The following GABRB3 variants were observed in gnomAD, a reference collection of about 807,000 sequenced individuals.
GABRB3 encodes the protein gamma-aminobutyric acid type A receptor subunit beta3, also known as gamma-aminobutyric acid receptor subunit beta-3.
A neutral mutation model predicts 52.1 loss-of-function variants in GABRB3; 14 were observed. That is an observed-to-expected ratio of 0.27 (90% CI 0.18 to 0.42). The LOEUF (loss-of-function observed/expected upper bound fraction) is 0.42, where lower values mean the gene tolerates loss of function less well. GABRB3 is among the 10% of genes least tolerant of loss of function. GABRB3 has a pLI of 1.00. For synonymous variants in GABRB3, 260 were observed against 232.3 expected, an observed-to-expected ratio of 1.12 and a Z score of -1.08; for missense variants, 307 against 609.1, an observed-to-expected ratio of 0.50 and a Z score of 5.22.
At position 26,638,189 on chromosome 15, in the gene GABRB3, G is replaced by T. The variant is rs528536178; in HGVS notation, c.241-16655C>A. 2.6e-3 allele frequency among the ~76,000 whole-genome samples: 400 copies of T among 152,234 alleles called. 2 individuals are homozygous for T. Among genetic ancestry groups the T allele is most frequent in the Non-Finnish European group, 3.2e-3 (215 of 68,024 alleles). On this transcript the variant is annotated intron_variant, in intron 3 of 8. Transcript: ENST00000311550. ...CACCAGGGTTCTGAACCTGGTCCAA[G>T]CCTGGTCAGAGCAAGGTCACACAAT...
At chr15:26,687,936 T>C (rs1397911223) in intron 3 of GABRB3, among the ~76,000 whole-genome samples, 2 of 152,238 alleles carry the variant, frequency 1.3e-5, no homozygotes, top group African/African-American at 4.8e-5. Context: ...TGAATCTTAG[T>C]AACTTTCATC....
chr15:26,618,081 C>T (rs1415328708), intron 4 of GABRB3, among the ~76,000 whole-genome samples: 1 of 152,058 alleles, frequency 6.6e-6, no homozygotes, highest in Non-Finnish European at 1.5e-5. Context: ...ATGAAAATGG[C>T]CATACTGCCC....
chr15:26,728,142 G>A (rs1889820673), intron 3 of GABRB3, among the ~76,000 whole-genome samples: 1 of 152,170 alleles, frequency 6.6e-6, no homozygotes, highest in East Asian at 1.9e-4. Context: ...ATTCCTCCAG[G>A]GAAACAACTG....
intron 8 of GABRB3, among the ~76,000 whole-genome samples, chr15:26,549,048 C>A (rs1889363257): frequency 6.6e-6 from 1 of 152,164 alleles, no homozygotes; most frequent in South Asian, 2.1e-4. Context: ...CCTTTCTTTG[C>A]CTGGAGGGCC....
chr15:26,621,048 A>C lies in GABRB3; in HGVS notation c.461+266T>G, dbSNP rs538355916. On this transcript the variant is annotated intron_variant, in intron 4 of 8. Coordinates refer to ENST00000311550, the MANE Select transcript of GABRB3 (RefSeq NM_000814.6). The surrounding 1 kb of genome is among the most constrained non-coding windows in gnomAD (Gnocchi z 4.1). ...GATATGGAAAATCCATCCTGAGGGA[A>C]TCTGTGTTCTTAGACATGGCAATCC... Among the ~76,000 whole-genome samples, 1 of 150,742 alleles carries C rather than the reference A, an allele frequency of 6.6e-6. No homozygotes were observed. The highest frequency in any genetic ancestry group is 6.7e-5 in the Admixed American group (1 of 15,026).
intron 4 of GABRB3, among the ~76,000 whole-genome samples, chr15:26,608,922 T>C (rs995616403): frequency 1.3e-5 from 2 of 152,224 alleles, no homozygotes; most frequent in East Asian, 1.9e-4. Flanking sequence ...AATTACCATA[T>C]GCTACAGCAA....
intron 3 of GABRB3, among the ~76,000 whole-genome samples, chr15:26,668,168 A>T (rs890321): frequency 6.6e-6 from 1 of 152,004 alleles, no homozygotes; most frequent in Admixed American, 6.6e-5. Flanking sequence ...GAACAGTAAC[A>T]GGACCTACCT....
Position 26,726,884 on chromosome 15 carries a change from G to A in GABRB3, c.240+45518C>T, listed in dbSNP as rs557097894. On this transcript the variant is annotated intron_variant, in intron 3 of 8. Transcript: ENST00000311550. ...ATTTCTCATTAAAATTTCACACCCA[G>A]GAGCGGTGGCTCACACCTGTAGTCC... is the stretch of plus-strand genomic sequence containing the variant. Among the ~76,000 whole-genome samples, 14 of 152,304 alleles carry A rather than the reference G, an allele frequency of 9.2e-5. No homozygotes were observed. The South Asian group carries it at 2.9e-3, about 32-fold the overall frequency.
chr15:26,617,097 C>T (rs199828567), intron 4 of GABRB3, among the ~76,000 whole-genome samples: 35 of 149,582 alleles, frequency 2.3e-4, no homozygotes, highest in South Asian at 6.4e-4. Flanking sequence ...CAATAGCTTA[C>T]CAACCAAAAA....
At chr15:26,568,162 T>C (rs955488649) in intron 6 of GABRB3, among the ~76,000 whole-genome samples, 1 of 152,190 alleles carries the variant, frequency 6.6e-6, no homozygotes, top group African/African-American at 2.4e-5. Flanking sequence ...CAGCCCTGAA[T>C]ACAGATGTTA....
intron 4 of GABRB3, among the ~76,000 whole-genome samples, chr15:26,587,439 T>A (rs73368319): frequency 2.0e-5 from 3 of 151,430 alleles, no homozygotes; most frequent in African/African-American, 2.4e-5. Flanking sequence ...AGAGAGAGAG[T>A]AGGGGTGGGG....
At chr15:26,687,208 C>T (rs1157452466) in intron 3 of GABRB3, among the ~76,000 whole-genome samples, 1 of 152,208 alleles carries the variant, frequency 6.6e-6, no homozygotes, top group Non-Finnish European at 1.5e-5. Flanking sequence ...TCAGCTTTCT[C>T]GTGCAGTTTC....
At chr15:26,567,524 A>T in intron 7 of GABRB3, 57 bp downstream of exon 7, 1 of 1,550,684 alleles carries the variant, frequency 6.4e-7, no homozygotes, top group Non-Finnish European at 8.9e-7. Flanking sequence ...GAACTCTCTT[A>T]ATACTGTAAT....
At chr15:26,706,711 A>C (rs1358799234) in intron 3 of GABRB3, among the ~76,000 whole-genome samples, 1 of 152,262 alleles carries the variant, frequency 6.6e-6, no homozygotes, top group East Asian at 1.9e-4. Context: ...CAGAGTCATC[A>C]ACAAGGGTTT....
chr15:26,567,824 T>A (rs1296102004), intron 6 of GABRB3, 91 bp from the exon 7 acceptor site: 3 of 1,285,604 alleles, frequency 2.3e-6, no homozygotes, highest in Non-Finnish European at 3.4e-6. Context: ...CAACAGGCAA[T>A]GGAAAAGTCT....
At chr15:26,695,439 CAT>C (rs1888708644) in intron 3 of GABRB3, among the ~76,000 whole-genome samples, 1 of 121,380 alleles carries the variant, frequency 8.2e-6, no homozygotes, top group African/African-American at 2.7e-5. Flanking sequence ...CATAGAGTAA[CAT>C]AGTTCAATTG....
At chr15:26,582,003 A>G (rs995538740) in intron 5 of GABRB3, among the ~76,000 whole-genome samples, 30 of 152,272 alleles carry the variant, frequency 2.0e-4, no homozygotes, top group African/African-American at 6.3e-4. Context: ...ATTTGCCCTC[A>G]AGTGTGGAAA....
chr15:26,583,523 C>T (rs1398154728), intron 4 of GABRB3, 109 bp from the exon 5 acceptor site: 51 of 812,354 alleles, frequency 6.3e-5, no homozygotes, highest in South Asian at 5.5e-4. Flanking sequence ...GCCCAAAGTA[C>T]GCCTGGCTAA....
intron 4 of GABRB3, among the ~76,000 whole-genome samples, chr15:26,585,531 G>A (rs759867126): frequency 6.6e-5 from 10 of 152,186 alleles, no homozygotes; most frequent in African/African-American, 2.4e-4. Context: ...GGTTAAGCAA[G>A]CAGGTTGAGC....
Sources: gnomAD v4.1 joint callset for allele counts (sites outside exome capture counted in the v4.1 genomes callset) on GRCh38, gnomAD v4.1.1 for gene constraint, Gnocchi (gnomAD v3.1) non-coding constraint, MANE v1.5 for transcripts, NCBI Gene and HGNC (gene_info 2026-07-23, HGNC 2026-07-21) for gene names.